Variants in LRP3 observed in about 807,000 individuals in gnomAD.
LRP3 encodes LDL receptor related protein 3, also known as low-density lipoprotein receptor-related protein 3.
LRP3 carries 49 observed loss-of-function variants against 58.5 expected under a neutral mutation model. The observed-to-expected ratio is 0.84, with a 90% CI of 0.67 to 1.06. The LOEUF is 1.06. Ranked by LOEUF, LRP3 falls within the 50% of genes least tolerant of loss-of-function variation. LRP3 has a pLI of 0.00. For missense variants in LRP3, 1,019 were observed against 1,134.2 expected, an observed-to-expected ratio of 0.90 and a Z score of 1.46; for synonymous variants, 485 against 492.2, an observed-to-expected ratio of 0.99 and a Z score of 0.20.
At chr19:33,206,962 C>T (rs531626771) in intron 6 of LRP3, 26 bp from the exon 7 acceptor site, 14 of 1,433,272 alleles carry the variant, frequency 9.8e-6, no homozygotes, top group Admixed American at 8.2e-5. Flanking sequence ...CGCATCCCCC[C>T]GCCCCTACCC....
Position 33,204,896 on chromosome 19 carries a change from G to A in LRP3, c.475+44G>A, listed in dbSNP as rs778469872. The A allele has an allele frequency of 5.1e-6, 8 of 1,571,382 alleles. No homozygotes were observed. The South Asian group carries it at 6.7e-5, about 13-fold the overall frequency. ...CAGGCAGGACACCACGGAGCACACC[G>A]TGCATGCCCACAGGCTCCCGGCCCA... On this transcript the variant is annotated intron_variant, in intron 4 of 6. Coordinates refer to ENST00000253193, the MANE Select transcript of LRP3 (RefSeq NM_002333.4).
intron 2 of LRP3, among the ~76,000 whole-genome samples, chr19:33,199,444 G>T (rs962954890): frequency 4.7e-5 from 7 of 149,166 alleles, no homozygotes; most frequent in African/African-American, 1.7e-4. Flanking sequence ...CTGCACTCCA[G>T]CCTGGGAGAC....
At position 33,207,468 on chromosome 19, in the gene LRP3, A is replaced by T; in HGVS notation, c.2206A>T (p.Thr736Ser). 6.3e-7 allele frequency: 1 copy of T among 1,599,500 alleles called. No homozygotes were observed. Among genetic ancestry groups the T allele is most frequent in the Non-Finnish European group, 8.5e-7 (1 of 1,176,702 alleles). Residue 736 changes from threonine (T) to serine (S), a missense_variant, in exon 7 of 7, where the codon ACC (threonine) becomes TCC (serine). By Grantham distance (58) the Thr-to-Ser change is moderately conservative. Around this residue, in one of 2 missense-constraint regions of LRP3, gnomAD observed 427 missense variants for 408.6 expected, o/e 1.04. Transcript: ENST00000253193. Reference protein sequence around the residue: ...PHPQVSTASSTLGPHSPEPLG... With the variant: ...PHPQVSTASSSLGPHSPEPLG... The stretch of plus-strand genomic sequence containing the variant: ...CCCCCAGGTCTCCACTGCCAGCAGC[A>T]CCCTGGGCCCCCACTCGCCAGAGCC...
Position 33,207,477 on chromosome 19 carries a change from C to T in LRP3, c.2215C>T (p.Pro739Ser), listed in dbSNP as rs1451409144. 5 of 1,600,116 alleles carry T rather than the reference C, an allele frequency of 3.1e-6. No homozygotes were observed. Among genetic ancestry groups the T allele is most frequent in the Admixed American group, 3.4e-5 (2 of 59,228 alleles). Residue 739 changes from proline to serine, a missense_variant, in exon 7 of 7, where the codon CCC becomes TCC. By Grantham distance (74) the Pro-to-Ser change is moderately conservative. Around this residue, in one of 2 missense-constraint regions of LRP3, gnomAD observed 427 missense variants for 408.6 expected, o/e 1.04. Coordinates refer to ENST00000253193, the MANE Select transcript of LRP3 (RefSeq NM_002333.4). ...CTCCACTGCCAGCAGCACCCTGGGCCCCCACTCGCCAGAGCCACTGGGGGT... is the reference window on the plus strand; with the variant it reads ...CTCCACTGCCAGCAGCACCCTGGGCTCCCACTCGCCAGAGCCACTGGGGGT... Reference protein sequence around the residue: ...QVSTASSTLGPHSPEPLGVCR... With the variant: ...QVSTASSTLGSHSPEPLGVCR...
rs200053026 is a variant in LRP3 at position 33,206,377 on chromosome 19, C to G, written c.1592+15C>G. On this transcript the variant is annotated intron_variant, in intron 5 of 6. Transcript: ENST00000253193. ...CAGGAATACAGGTGGGCGCTGTGCCCGCAGCCAGGGGACCGGGCTTCTTCA... is the reference window on the plus strand; with the variant it reads ...CAGGAATACAGGTGGGCGCTGTGCCGGCAGCCAGGGGACCGGGCTTCTTCA... The G allele has an allele frequency of 6.2e-7, 1 of 1,603,400 alleles. No individual in the cohort carries two copies. The highest frequency in any genetic ancestry group is 1.1e-5 in the South Asian group (1 of 90,802).
chr19:33,204,396 C>T, intron 3 of LRP3: 1 of 563,862 alleles, frequency 1.8e-6, no homozygotes, highest in Non-Finnish European at 3.2e-6. Flanking sequence ...CTGGAAATGA[C>T]CTGCGTGGAT....
Position 33,206,080 on chromosome 19 carries a change from G to C in LRP3, c.1310G>C (p.Cys437Ser). 2 of 1,608,610 alleles carry C rather than the reference G, an allele frequency of 1.2e-6. No individual in the cohort carries two copies. The highest frequency in any genetic ancestry group is 1.7e-6 in the Non-Finnish European group (2 of 1,178,458). The part of the protein sequence containing the change: ...SGLCYTPADR[C>S]NNQKSCPDGA... Reference sequence around the variant, plus strand: ...CTGTGCTACACGCCTGCCGACCGCTGCAACAACCAGAAAAGCTGTCCCGAC... The same window carrying C: ...CTGTGCTACACGCCTGCCGACCGCTCCAACAACCAGAAAAGCTGTCCCGAC... Residue 437 changes from cysteine to serine, a missense_variant, in exon 5 of 7, where the codon TGC becomes TCC. Coordinates refer to ENST00000253193, the MANE Select transcript of LRP3 (RefSeq NM_002333.4).
At position 33,194,710 on chromosome 19, in the gene LRP3, A is replaced by G. The variant is rs1313978989; in HGVS notation, c.-76A>G. The stretch of plus-strand genomic sequence containing the variant: ...CCGAGCCCGAGCCGCAGCCAGAGCC[A>G]GAGCCGGAGCCGCAGCCGGAACCGG... On this transcript the variant is annotated 5_prime_UTR_variant, in exon 1 of 7. Transcript: ENST00000253193. 3 of 422,280 alleles carry G rather than the reference A, an allele frequency of 7.1e-6. No individual in the cohort carries two copies. Among genetic ancestry groups the G allele is most frequent in the Non-Finnish European group, 9.5e-6 (3 of 315,654 alleles). 26.2% of individuals were successfully genotyped at this position (422,280 alleles called of 1,614,324 possible).
intron 2 of LRP3, among the ~76,000 whole-genome samples, chr19:33,198,952 T>C (rs775983617): frequency 6.6e-6 from 1 of 152,230 alleles, no homozygotes; most frequent in Non-Finnish European, 1.5e-5. Context: ...CTCTCAGGAA[T>C]ATTTGATGAC....
In LRP3 at chr19:33,206,014, C is replaced by G. The variant is rs1394267439; in HGVS notation, c.1244C>G (p.Ala415Gly). The G allele has an allele frequency of 1.9e-6, 3 of 1,581,632 alleles. No individual in the cohort carries two copies. The highest frequency in any genetic ancestry group is 2.7e-5 in the African/African-American group (2 of 74,546). ...GGCCGAGACGAGCAGGGCTGCCCTG[C>G]CTGCCCGCCCGACCAGTACCCCTGC... Reference protein sequence around the residue: ...ASGRDEQGCPACPPDQYPCEG... With the variant: ...ASGRDEQGCPGCPPDQYPCEG... Residue 415 changes from alanine to glycine, a missense_variant, in exon 5 of 7, where the codon GCC becomes GGC. Coordinates refer to ENST00000253193, the MANE Select transcript of LRP3 (RefSeq NM_002333.4).
chr19:33,203,517 A>G (rs60488134), intron 3 of LRP3, among the ~76,000 whole-genome samples: 15,887 of 152,232 alleles, frequency 0.1, 1,711 homozygotes, highest in African/African-American at 0.27. Context: ...CCATGTGTGA[A>G]CCGTAAGCAT....
At chr19:33,198,357 C>A (rs1974306947) in intron 2 of LRP3, among the ~76,000 whole-genome samples, 1 of 152,172 alleles carries the variant, frequency 6.6e-6, no homozygotes, top group African/African-American at 2.4e-5. Flanking sequence ...CCCTGGTGCC[C>A]TCTGTGATGG....
chr19:33,200,113 G>A (rs567434486), intron 2 of LRP3, among the ~76,000 whole-genome samples: 2 of 152,316 alleles, frequency 1.3e-5, no homozygotes, highest in South Asian at 2.1e-4. Context: ...CTTAGCATGC[G>A]CTTTAGAGAT....
In LRP3 at chr19:33,206,132, CT is replaced by C; in HGVS notation, c.1363del (p.Cys455AlafsTer83). 6.2e-7 allele frequency: 1 copy of C among 1,608,860 alleles called. No homozygotes were observed. Among genetic ancestry groups the C allele is most frequent in the Non-Finnish European group, 8.5e-7 (1 of 1,179,186 alleles). On this transcript the variant is annotated frameshift_variant, in exon 5 of 7. Coordinates refer to ENST00000253193, the MANE Select transcript of LRP3 (RefSeq NM_002333.4). LOFTEE classifies it high-confidence loss of function. ...DGADEKNCFSCQPGTFHCGTN... is the reference protein window; with the variant it reads ...DGADEKNCFSXQPGTFHCGTN... The stretch of plus-strand genomic sequence containing the variant: ...GCGCCGACGAGAAGAACTGCTTCTC[CT>C]GCCAGCCCGGCACCTTCCACTGCGG...
Position 33,207,268 on chromosome 19 carries a change from G to T in LRP3, c.2006G>T (p.Ser669Ile), listed in dbSNP as rs1191487336. ...AGGGCGGCCGGAGACAGGCCCCCCA[G>T]TGCCCCCGGCCGTGCACCGGAGGTG... Reference protein sequence around the residue: ...STRAAGDRPPSAPGRAPEVGP... With the variant: ...STRAAGDRPPIAPGRAPEVGP... The change falls in exon 7 of 7, where the codon AGT becomes ATT. Residue 669 changes from serine (S) to isoleucine (I), a missense_variant. Ser to Ile is a moderately radical substitution (Grantham distance 142). Transcript: ENST00000253193. 2 of 1,553,136 alleles carry T rather than the reference G, an allele frequency of 1.3e-6. No homozygotes were observed. The highest frequency in any genetic ancestry group is 8.6e-7 in the Non-Finnish European group (1 of 1,157,528).
At chr19:33,196,150 C>G (rs1241368956) in intron 1 of LRP3, among the ~76,000 whole-genome samples, 1 of 152,146 alleles carries the variant, frequency 6.6e-6, no homozygotes, top group African/African-American at 2.4e-5. Context: ...AGGATGGTTC[C>G]GTCACTAGCT....
chr19:33,205,939 G>T lies in LRP3; in HGVS notation c.1169G>T (p.Gly390Val), dbSNP rs758297551. 8.1e-6 allele frequency: 13 copies of T among 1,595,830 alleles called. No homozygotes were observed. The highest frequency in any genetic ancestry group is 8.5e-7 in the Non-Finnish European group (1 of 1,171,484). The change falls in exon 5 of 7, where the codon GGC (glycine) becomes GTC (valine). Residue 390 changes from glycine to valine, a missense_variant. Coordinates refer to ENST00000253193, the MANE Select transcript of LRP3 (RefSeq NM_002333.4). ...DSDGGSLGDQ[G>V]CFSEPQRCDG... ...GACGGGGGCAGCCTGGGCGACCAGG[G>T]CTGCTTCTCAGAGCCACAGCGCTGT... is the stretch of plus-strand genomic sequence containing the variant.
chr19:33,207,151 C>A lies in LRP3; in HGVS notation c.1889C>A (p.Pro630His). 1 of 1,536,470 alleles carries A rather than the reference C, an allele frequency of 6.5e-7. No homozygotes were observed. The highest frequency in any genetic ancestry group is 2.4e-5 in the East Asian group (1 of 41,336). ...ATCCCACTGCTGACCGCAGCACGCC[C>A]CTCACAGACCGTGCTGGGCGATGGC... ...GQIPLLTAARPSQTVLGDGFL... is the reference protein window; with the variant it reads ...GQIPLLTAARHSQTVLGDGFL... Residue 630 changes from proline to histidine, a missense_variant, in exon 7 of 7, where the codon CCC becomes CAC. Physicochemically the swap from Pro to His is moderately conservative, Grantham distance 77 (BLOSUM62 -2). Transcript: ENST00000253193.
chr19:33,194,769 G>A lies in LRP3; in HGVS notation c.-17G>A. 2.1e-6 allele frequency: 2 copies of A among 960,218 alleles called. No individual in the cohort carries two copies. The highest frequency in any genetic ancestry group is 1.8e-5 in the African/African-American group (1 of 55,350). 59.5% of individuals were successfully genotyped at this position (960,218 alleles called of 1,614,324 possible). ...CCGCGGGGCAGGAGGCGGCGCCCGCGGGCGGCCGGGCCCGGCATGGAGAAG... is the reference window on the plus strand; with the variant it reads ...CCGCGGGGCAGGAGGCGGCGCCCGCAGGCGGCCGGGCCCGGCATGGAGAAG... On this transcript the variant is annotated 5_prime_UTR_variant, in exon 1 of 7. Transcript: ENST00000253193.
Sources: gnomAD v4.1 joint callset for allele counts (sites outside exome capture counted in the v4.1 genomes callset) on GRCh38, gnomAD v4.1.1 for gene constraint, gnomAD v4.1.1 regional missense constraint, MANE v1.5 for transcripts, NCBI Gene and HGNC (gene_info 2026-07-23, HGNC 2026-07-21) for gene names.